The following PRICKLE1 variants were observed in gnomAD, a reference collection of about 807,000 sequenced individuals.
PRICKLE1 encodes the protein prickle planar cell polarity protein 1, also known as prickle-like protein 1.
A neutral mutation model predicts 70.2 loss-of-function variants in PRICKLE1; 14 were observed. The observed-to-expected ratio is 0.20, with a 90% confidence interval of 0.13 to 0.31. The LOEUF is 0.31. PRICKLE1 is among the 10% of genes least tolerant of loss of function. The probability of loss-of-function intolerance (pLI) is 1.00; values close to 1 mark genes in which losing one functional copy is unlikely to be tolerated. For missense variants in PRICKLE1, 821 were observed against 1,026.2 expected (o/e 0.80, Z 2.73); for synonymous variants, 357 against 379.9 (o/e 0.94, Z 0.70).
chr12:42,464,211 C>T lies in PRICKLE1; in HGVS notation c.1639+184G>A, dbSNP rs781209480. On this transcript the variant is annotated intron_variant, in intron 7 of 7. Coordinates refer to ENST00000345127, the MANE Select transcript of PRICKLE1 (RefSeq NM_153026.3). This position sits in a 1 kb window ranked among gnomAD's most constrained non-coding sequence, Gnocchi z 4.2. ...AATTTTTGTATTTTTAGTAGAGCCG[C>T]GGTTTCGCCATGTTGCCTGGGCTGG... 5.9e-5 allele frequency among the ~76,000 whole-genome samples: 9 copies of T among 151,934 alleles called. No homozygotes were observed. The highest frequency in any genetic ancestry group is 7.3e-5 in the African/African-American group (3 of 41,338).
rs1185266119 is a variant in PRICKLE1 at position 42,551,863 on chromosome 12, G to T, written c.-49+37602C>A. Among the ~76,000 whole-genome samples, 4 of 152,138 alleles carry T rather than the reference G, an allele frequency of 2.6e-5. No individual in the cohort carries two copies. The East Asian group carries it at 5.8e-4, about 22-fold the overall frequency. ...ATTTTGAATTTTTAAAAGCCAGTTG[G>T]TGGGAAGCAGCTGATCCACACCACC... On this transcript the variant is annotated intron_variant, in intron 1 of 7. Transcript: ENST00000345127.
chr12:42,571,839 T>A (rs1664312940), intron 1 of PRICKLE1, among the ~76,000 whole-genome samples: 1 of 152,182 alleles, frequency 6.6e-6, no homozygotes, highest in South Asian at 2.1e-4. Context: ...CATAGTGAAG[T>A]CTTGAAGGAC....
At chr12:42,564,666 C>T (rs117585176) in intron 1 of PRICKLE1, among the ~76,000 whole-genome samples, 2,178 of 152,266 alleles carry the variant, frequency 0.014, 28 homozygotes, top group Middle Eastern at 0.024. Context: ...TCTAGGAATA[C>T]CAACATTTCT....
At chr12:42,585,692 G>A (rs972622668) in intron 1 of PRICKLE1, among the ~76,000 whole-genome samples, 1 of 152,304 alleles carries the variant, frequency 6.6e-6, no homozygotes. Flanking sequence ...GGGGGAAATA[G>A]CAGCTTACTC....
At chr12:42,542,698 T>C (rs1940138827) in intron 1 of PRICKLE1, among the ~76,000 whole-genome samples, 1 of 152,154 alleles carries the variant, frequency 6.6e-6, no homozygotes, top group Non-Finnish European at 1.5e-5. Context: ...TTAAAAAATG[T>C]TTTAATAGAA....
At chr12:42,530,039 G>C (rs887245264) in intron 1 of PRICKLE1, among the ~76,000 whole-genome samples, 4 of 151,170 alleles carry the variant, frequency 2.6e-5, no homozygotes, top group African/African-American at 7.3e-5. Flanking sequence ...TCCACCCCAG[G>C]TTCAAGCAAT....
At chr12:42,475,528 G>A (rs983752495) in intron 1 of PRICKLE1, among the ~76,000 whole-genome samples, 3 of 152,058 alleles carry the variant, frequency 2.0e-5, no homozygotes, top group Admixed American at 6.6e-5. Context: ...AGTGCTGATG[G>A]AGCCAATTCC....
chr12:42,554,886 T>A (rs1940388508), intron 1 of PRICKLE1, among the ~76,000 whole-genome samples: 1 of 152,100 alleles, frequency 6.6e-6, no homozygotes, highest in Admixed American at 6.5e-5. Flanking sequence ...GAACTTATTT[T>A]TTTTTTTTTT....
At chr12:42,562,980 C>T (rs985229436) in intron 1 of PRICKLE1, among the ~76,000 whole-genome samples, 7 of 151,550 alleles carry the variant, frequency 4.6e-5, no homozygotes, top group Non-Finnish European at 7.4e-5. Context: ...GTCAGGAGTT[C>T]GAGACCAGCC....
chr12:42,529,865 T>C (rs150233436), intron 1 of PRICKLE1, among the ~76,000 whole-genome samples: 1,547 of 152,010 alleles, frequency 0.01, 85 homozygotes, highest in Admixed American at 0.091. Context: ...TATTCCAGCC[T>C]GGACAACAGA....
chr12:42,504,727 C>T (rs548012295), intron 1 of PRICKLE1, among the ~76,000 whole-genome samples: 1 of 152,276 alleles, frequency 6.6e-6, no homozygotes, highest in South Asian at 2.1e-4. Context: ...ATGGAAAACC[C>T]CCGGACATTT....
intron 1 of PRICKLE1, among the ~76,000 whole-genome samples, chr12:42,588,782 C>A (rs1355046811): frequency 6.6e-6 from 1 of 152,276 alleles, no homozygotes; most frequent in South Asian, 2.1e-4. Flanking sequence ...TAGTCACTGG[C>A]GATGCCGTTT....
intron 1 of PRICKLE1, among the ~76,000 whole-genome samples, chr12:42,480,150 T>C (rs149346201): frequency 4.0e-4 from 61 of 152,298 alleles, no homozygotes; most frequent in African/African-American, 1.4e-3. Context: ...TTTTTGTAGG[T>C]TTTTTTCTCC....
At chr12:42,478,407 G>A (rs1329414675) in intron 1 of PRICKLE1, among the ~76,000 whole-genome samples, 2 of 152,086 alleles carry the variant, frequency 1.3e-5, no homozygotes, top group African/African-American at 4.8e-5. Flanking sequence ...AGAAAGAAAA[G>A]CAAAACAGTT....
Position 42,470,342 on chromosome 12 carries a change from A to G in PRICKLE1, c.150T>C (p.Ala50=). 2 of 1,611,158 alleles carry G rather than the reference A, an allele frequency of 1.2e-6. No homozygotes were observed. The highest frequency in any genetic ancestry group is 1.7e-6 in the Non-Finnish European group (2 of 1,177,378). ...LRPEQIQLYF[A]CLPEEKVPYV... ...AAGGAACTTTTTCCTCTGGTAAGCAAGCAAAATAGAGCTGGATCTGCAAAA... is the reference window on the plus strand; with the variant it reads ...AAGGAACTTTTTCCTCTGGTAAGCAGGCAAAATAGAGCTGGATCTGCAAAA... Residue 50 remains alanine (A), a synonymous_variant, in exon 3 of 8, where the codon GCT becomes GCC. Coordinates refer to ENST00000345127, the MANE Select transcript of PRICKLE1 (RefSeq NM_153026.3).
At chr12:42,497,268 G>A (rs950957286) in intron 1 of PRICKLE1, among the ~76,000 whole-genome samples, 7 of 152,252 alleles carry the variant, frequency 4.6e-5, no homozygotes, top group Non-Finnish European at 5.9e-5. Context: ...ATCGATGGCC[G>A]GGCGTGGTGG....
At chr12:42,547,106 GT>G (rs1453971863) in intron 1 of PRICKLE1, among the ~76,000 whole-genome samples, 1 of 152,188 alleles carries the variant, frequency 6.6e-6, no homozygotes, top group African/African-American at 2.4e-5. Context: ...GTTACCTTCT[GT>G]AGCTGGAATA....
chr12:42,468,295 G>A (rs1938179940), intron 5 of PRICKLE1, among the ~76,000 whole-genome samples: 1 of 152,074 alleles, frequency 6.6e-6, no homozygotes, highest in Non-Finnish European at 1.5e-5. Flanking sequence ...ACAAAAATGA[G>A]ACCATCTACT....
chr12:42,472,248 A>G (rs1938351867), intron 2 of PRICKLE1, 137 bp downstream of exon 2: 2 of 1,017,580 alleles, frequency 2.0e-6, no homozygotes, highest in East Asian at 5.2e-5. Flanking sequence ...CTTCAAAGCC[A>G]TACAAAGAAG....
Sources: gnomAD v4.1 joint callset for allele counts (sites outside exome capture counted in the v4.1 genomes callset) on GRCh38, gnomAD v4.1.1 for gene constraint, Gnocchi (gnomAD v3.1) non-coding constraint, MANE v1.5 for transcripts, NCBI Gene and HGNC (gene_info 2026-07-23, HGNC 2026-07-21) for gene names.